Variants in IGSF10 observed in about 807,000 individuals in gnomAD.
The protein encoded by IGSF10 is calvaria mechanical force protein 608.
IGSF10 carries 126 observed loss-of-function variants against 128.2 expected under a neutral mutation model. That is an observed-to-expected ratio of 0.98 (90% CI 0.85 to 1.14). The LOEUF is 1.14. IGSF10 is among the 50% of genes most tolerant of loss of function. IGSF10 has a pLI of 0.00. For synonymous variants in IGSF10, 1,185 were observed against 1,146.2 expected (o/e 1.03, Z -0.68); for missense variants, 3,295 against 3,149.8 (o/e 1.05, Z -1.10).
intron 5 of IGSF10, 124 bp downstream of exon 5, chr3:151,453,256 ATTCT>A: frequency 1.5e-5 from 11 of 755,330 alleles, no homozygotes; most frequent in Non-Finnish European, 2.3e-5. Flanking sequence ...ATAATTCATT[ATTCT>A]TGAATTATTT....
chr3:151,456,403 A>AAC (rs1721795212), intron 4 of IGSF10, among the ~76,000 whole-genome samples: 1 of 152,338 alleles, frequency 6.6e-6, no homozygotes, highest in African/African-American at 2.4e-5. Context: ...GAACAGTTTA[A>AAC]GTTTTAATAG....
At chr3:151,511,683 G>A in the IGSF10 span, among the ~76,000 whole-genome samples, 1 of 152,178 alleles carries the variant, frequency 6.6e-6, no homozygotes, top group Non-Finnish European at 1.5e-5. Context: ...ATTGGATAAA[G>A]AGTCAAGACC....
chr3:151,444,931 T>C lies in IGSF10; in HGVS notation c.5050A>G (p.Arg1684Gly). The C allele has an allele frequency of 6.2e-7, 1 of 1,602,904 alleles. No individual in the cohort carries two copies. Among genetic ancestry groups the C allele is most frequent in the Non-Finnish European group, 8.5e-7 (1 of 1,176,420 alleles). Residue 1684 changes from arginine (R) to glycine (G), a missense_variant, in exon 6 of 8, where the codon AGA becomes GGA. Physicochemically the swap from Arg to Gly is moderately radical, Grantham distance 125. Transcript: ENST00000282466. ...AAGTTTCACATACCTGATGGGACTC[T>C]GGTCCAATGAATGGTGGGCAGGGGA... is the stretch of plus-strand genomic sequence containing the variant. ...GNPLPTIHWT[R>G]VPSGLDLSKR... is the part of the protein sequence containing the mutation.
the IGSF10 span, among the ~76,000 whole-genome samples, chr3:151,491,524 G>A: frequency 6.6e-6 from 1 of 152,304 alleles, no homozygotes; most frequent in South Asian, 2.1e-4. Context: ...ATTGCAGTGA[G>A]CCAAGATTGT....
the IGSF10 span, among the ~76,000 whole-genome samples, chr3:151,521,537 GAAGTC>G: frequency 1.3e-5 from 2 of 151,974 alleles, no homozygotes; most frequent in Admixed American, 6.6e-5. Context: ...AATAAAAATA[GAAGTC>G]AAGACTAAGA....
the IGSF10 span, among the ~76,000 whole-genome samples, chr3:151,469,312 A>T: frequency 6.6e-6 from 1 of 152,182 alleles, no homozygotes. Flanking sequence ...AGGAATTGCC[A>T]CAGTCTTCCA....
chr3:151,539,784 C>T, the IGSF10 span, among the ~76,000 whole-genome samples: 2 of 151,902 alleles, frequency 1.3e-5, no homozygotes, highest in South Asian at 4.2e-4. Context: ...ATCTATCTAT[C>T]TATCTATCTA....
the IGSF10 span, among the ~76,000 whole-genome samples, chr3:151,487,474 T>G: frequency 6.6e-6 from 1 of 152,100 alleles, no homozygotes. Context: ...CTTCCTAACT[T>G]ATTTTATGAG....
the IGSF10 span, among the ~76,000 whole-genome samples, chr3:151,512,777 G>A: frequency 6.6e-6 from 1 of 152,004 alleles, no homozygotes; most frequent in Admixed American, 6.6e-5. Context: ...AATGACAAAG[G>A]GGATATCACC....
intron 6 of IGSF10, among the ~76,000 whole-genome samples, chr3:151,444,170 A>G (rs1230768972): frequency 6.6e-6 from 1 of 152,006 alleles, no homozygotes; most frequent in Non-Finnish European, 1.5e-5. Flanking sequence ...CCAGCTACTC[A>G]GGTGGTTCAG....
the IGSF10 span, among the ~76,000 whole-genome samples, chr3:151,511,975 T>C: frequency 2.0e-5 from 3 of 152,094 alleles, no homozygotes; most frequent in African/African-American, 7.2e-5. Flanking sequence ...AAGTCCTTAG[T>C]GACCTACAAA....
At chr3:151,580,937 T>A in the IGSF10 span, among the ~76,000 whole-genome samples, 2 of 152,114 alleles carry the variant, frequency 1.3e-5, no homozygotes, top group Non-Finnish European at 2.9e-5. Context: ...CCAGATCTGT[T>A]TTTTATAAAA....
the IGSF10 span, among the ~76,000 whole-genome samples, chr3:151,523,447 A>G: frequency 3.9e-5 from 6 of 152,208 alleles, no homozygotes; most frequent in African/African-American, 1.4e-4. Context: ...ACGAAACAGC[A>G]TAGTACTGGT....
At chr3:151,473,640 A>T in the IGSF10 span, among the ~76,000 whole-genome samples, 3 of 152,156 alleles carry the variant, frequency 2.0e-5, no homozygotes, top group Admixed American at 6.5e-5. Context: ...AAAAAAAGTA[A>T]ATTTCCCACT....
At chr3:151,589,616 G>A in the IGSF10 span, among the ~76,000 whole-genome samples, 1 of 152,312 alleles carries the variant, frequency 6.6e-6, no homozygotes, top group South Asian at 2.1e-4. Flanking sequence ...TGAGGAAGCA[G>A]AGTGTGCTCT....
chr3:151,523,158 ATTT>A, the IGSF10 span, among the ~76,000 whole-genome samples: 1 of 152,178 alleles, frequency 6.6e-6, no homozygotes, highest in Non-Finnish European at 1.5e-5. Context: ...TGCTCAAATA[ATTT>A]AGAGATGACA....
At chr3:151,534,907 T>A in the IGSF10 span, among the ~76,000 whole-genome samples, 1 of 151,510 alleles carries the variant, frequency 6.6e-6, no homozygotes, top group African/African-American at 2.4e-5. Context: ...AAAAATGTAG[T>A]TCCATCCAAC....
the IGSF10 span, among the ~76,000 whole-genome samples, chr3:151,557,365 A>C: frequency 9.9e-5 from 15 of 152,070 alleles, no homozygotes; most frequent in African/African-American, 3.6e-4. Context: ...TGTGGTGCCA[A>C]CTCCAGTCTT....
chr3:151,577,273 C>A, the IGSF10 span, among the ~76,000 whole-genome samples: 1 of 152,044 alleles, frequency 6.6e-6, no homozygotes, highest in Non-Finnish European at 1.5e-5. Flanking sequence ...AAAGAAGATG[C>A]TTTATAACAT....
Sources: allele counts gnomAD v4.1 joint callset (sites outside exome capture counted in the v4.1 genomes callset), GRCh38; gene constraint gnomAD v4.1.1; transcripts MANE v1.5; gene names NCBI Gene and HGNC (gene_info 2026-07-23, HGNC 2026-07-21).